C14orf39: variants seen among roughly 807,000 people sequenced by gnomAD.
C14orf39 encodes the protein protein SIX6OS1.
In C14orf39, 66 loss-of-function variants were observed where a neutral mutation model predicts 85.6. The observed-to-expected ratio is 0.77, with a 90% CI of 0.63 to 0.95. C14orf39 has a LOEUF of 0.95. Ranked by LOEUF, C14orf39 falls within the 40% of genes least tolerant of loss-of-function variation. The probability of loss-of-function intolerance (pLI) is 0.00; values close to 1 mark genes in which losing one functional copy is unlikely to be tolerated. For synonymous variants in C14orf39, 242 were observed against 214.0 expected (o/e 1.13, Z -1.14); for missense variants, 735 against 663.9 (o/e 1.11, Z -1.18).
intron 1 of C14orf39, among the ~76,000 whole-genome samples, chr14:60,503,112 A>G (rs1236403474): frequency 6.6e-6 from 1 of 152,182 alleles, no homozygotes; most frequent in East Asian, 1.9e-4. Flanking sequence ...CTCAAGTCCA[A>G]TCTCTTTTCC....
At chr14:60,482,328 G>T (rs1259452258) in intron 4 of C14orf39, among the ~76,000 whole-genome samples, 8 of 152,186 alleles carry the variant, frequency 5.3e-5, no homozygotes, top group Non-Finnish European at 1.5e-5. Context: ...TCAACAACAT[G>T]TAAGTTTTGG....
chr14:60,455,962 G>A (rs1038817821), intron 15 of C14orf39, among the ~76,000 whole-genome samples: 1 of 152,040 alleles, frequency 6.6e-6, no homozygotes, highest in Non-Finnish European at 1.5e-5. Context: ...CTCATCCATG[G>A]GGAGAGGTCT....
chr14:60,466,010 A>G lies in C14orf39; in HGVS notation c.941T>C (p.Ile314Thr), dbSNP rs371048285. 1 of 1,568,488 alleles carries G rather than the reference A, an allele frequency of 6.4e-7. No homozygotes were observed. Among genetic ancestry groups the G allele is most frequent in the South Asian group, 1.2e-5 (1 of 83,984 alleles). The change falls in exon 11 of 18, where the codon ATT becomes ACT. Residue 314 changes from isoleucine to threonine, a missense_variant. Coordinates refer to ENST00000321731, the MANE Select transcript of C14orf39 (RefSeq NM_174978.3). ...SSAKQSKLAN[I>T]DFRQKENDTQ... ...ATCATTTTCTTTTTGTCTAAAGTCAATATTGGCAAGCTTTGACTGCTTCGC... is the reference window on the plus strand; with the variant it reads ...ATCATTTTCTTTTTGTCTAAAGTCAGTATTGGCAAGCTTTGACTGCTTCGC...
At chr14:60,472,681 T>G (rs890010118) in intron 5 of C14orf39, among the ~76,000 whole-genome samples, 4 of 152,162 alleles carry the variant, frequency 2.6e-5, no homozygotes, top group African/African-American at 9.7e-5. Flanking sequence ...AATAATAGTT[T>G]GCTGAGAATG....
rs961611600 is a variant in C14orf39 at position 60,459,386 on chromosome 14, G to A, written c.1118-647C>T. On this transcript the variant is annotated intron_variant, in intron 13 of 17. Transcript: ENST00000321731. Reference sequence around the variant, plus strand: ...CATGTATGTACTTCTATTTCTCTAGGTATATACCTAGGATCGGAACTATGA... The same window carrying A: ...CATGTATGTACTTCTATTTCTCTAGATATATACCTAGGATCGGAACTATGA... Among the ~76,000 whole-genome samples, 2 of 151,358 alleles carry A rather than the reference G, an allele frequency of 1.3e-5. 1 individual carries two copies. Among genetic ancestry groups the A allele is most frequent in the South Asian group, 4.2e-4 (2 of 4,808 alleles).
chr14:60,506,486 G>A (rs1248908076), intron 1 of C14orf39, among the ~76,000 whole-genome samples: 2 of 152,208 alleles, frequency 1.3e-5, no homozygotes, highest in Non-Finnish European at 2.9e-5. Context: ...AAGGAATCCC[G>A]TGGAGCTTCC....
At chr14:60,498,009 A>T (rs1004168490) in intron 2 of C14orf39, among the ~76,000 whole-genome samples, 1 of 152,244 alleles carries the variant, frequency 6.6e-6, no homozygotes, top group Non-Finnish European at 1.5e-5. Context: ...AATACAGAAA[A>T]GTAGAGATAA....
rs754788905 is a variant in C14orf39, at chr14:60,458,731, ACTCAGCAT to A, written c.1118_1125del (p.Asp373ValfsTer4). 1.9e-6 allele frequency: 3 copies of A among 1,600,580 alleles called. No homozygotes were observed. The African/African-American group carries it at 4.0e-5, about 22-fold the overall frequency. ...TGTCTTACTGTCCCTTTATCTCCATACTCAGCATCTGTTGTCATATGAGAACAAACTAT... is the reference window on the plus strand; with the variant it reads ...TGTCTTACTGTCCCTTTATCTCCATACTGTTGTCATATGAGAACAAACTAT... On this transcript the variant is annotated frameshift_variant and splice_region_variant, in exon 14 of 18. Transcript: ENST00000321731. LOFTEE classifies it high-confidence loss of function.
chr14:60,459,525 T>C (rs894989949), intron 13 of C14orf39, among the ~76,000 whole-genome samples: 2 of 151,690 alleles, frequency 1.3e-5, no homozygotes, highest in East Asian at 1.9e-4. Flanking sequence ...TCATTCATTA[T>C]CACCAGACAA....
intron 11 of C14orf39, among the ~76,000 whole-genome samples, chr14:60,464,956 C>CT (rs1041187445): frequency 5.9e-4 from 89 of 151,980 alleles, no homozygotes; most frequent in African/African-American, 2.1e-3. Context: ...TTTGCCTTAT[C>CT]TTTTTTCTTC....
rs887103614 is a variant in C14orf39, at chr14:60,445,947, T to A, written c.1504-3816A>T. 3.3e-5 allele frequency among the ~76,000 whole-genome samples: 5 copies of A among 152,262 alleles called. 1 individual carries two copies. The South Asian group carries it at 8.3e-4, about 25-fold the overall frequency. On this transcript the variant is annotated intron_variant, in intron 16 of 17. Transcript: ENST00000321731. ...ACAACTACATGGAAACTGAACAACATGCTCCTGAATGACTACTGGATAAAT... is the reference window on the plus strand; with the variant it reads ...ACAACTACATGGAAACTGAACAACAAGCTCCTGAATGACTACTGGATAAAT...
chr14:60,486,350 A>G (rs1892893227), upstream of C14orf39, among the ~76,000 whole-genome samples: 2 of 152,238 alleles, frequency 1.3e-5, no homozygotes, highest in African/African-American at 4.8e-5. Flanking sequence ...TCTTGTAACA[A>G]GTTTTTAAAA....
intron 1 of C14orf39, 25 bp from the exon 2 acceptor site, chr14:60,485,111 A>G (rs369366990): frequency 3.4e-5 from 54 of 1,572,928 alleles, no homozygotes; most frequent in East Asian, 2.7e-4. Flanking sequence ...AAAAAAAATT[A>G]TAAGATTTTC....
In C14orf39 at chr14:60,484,178, C is replaced by T. The variant is rs1892777213; in HGVS notation, c.107-361G>A. 6.6e-6 allele frequency among the ~76,000 whole-genome samples: 1 copy of T among 152,200 alleles called. No homozygotes were observed. Among genetic ancestry groups the T allele is most frequent in the South Asian group, 2.1e-4 (1 of 4,830 alleles). ...CGTTAATGACACTAATAGAAGCCTT[C>T]TGTTTTTGACAAATGTGAAATTTCT... is the stretch of plus-strand genomic sequence containing the variant. On this transcript the variant is annotated intron_variant, in intron 3 of 17. Transcript: ENST00000321731. The surrounding 1 kb of genome is among the most constrained non-coding windows in gnomAD (Gnocchi z 4.2).
chr14:60,468,403 A>G (rs1274534356), intron 9 of C14orf39, 42 bp downstream of exon 9: 3 of 1,253,162 alleles, frequency 2.4e-6, no homozygotes, highest in Non-Finnish European at 3.4e-6. Context: ...TAGATGCAAA[A>G]TATCTGTTCA....
Position 60,454,994 on chromosome 14 carries a change from A to G in C14orf39, c.1503+7T>C, listed in dbSNP as rs1256581025. The G allele has an allele frequency of 3.3e-6, 5 of 1,518,572 alleles. No individual in the cohort carries two copies. Among genetic ancestry groups the G allele is most frequent in the African/African-American group, 2.9e-5 (2 of 68,556 alleles). The allele number at this position is 1,518,572 out of a possible 1,614,324, so 94.1% of individuals were successfully genotyped here. A position where few individuals can be genotyped will look rare whatever the true frequency, so the allele number is the denominator to read the frequency against. On this transcript the variant is annotated splice_region_variant and intron_variant, in intron 16 of 17. Coordinates refer to ENST00000321731, the MANE Select transcript of C14orf39 (RefSeq NM_174978.3). Reference sequence around the variant, plus strand: ...TTAGAAATAAAACTTTTGGCTTCTCATATTACCTGATCTGATGAGATTTCT... The same window carrying G: ...TTAGAAATAAAACTTTTGGCTTCTCGTATTACCTGATCTGATGAGATTTCT...
At chr14:60,489,809 A>G (rs1306222722), upstream of C14orf39, among the ~76,000 whole-genome samples, 2 of 152,228 alleles carry the variant, frequency 1.3e-5, no homozygotes, top group African/African-American at 4.8e-5. Flanking sequence ...TAAAGGTTTT[A>G]TGAGTCAACA....
chr14:60,497,265 C>T (rs1474829259), intron 2 of C14orf39, among the ~76,000 whole-genome samples: 5 of 152,168 alleles, frequency 3.3e-5, no homozygotes, highest in Admixed American at 3.3e-4. Context: ...GTTATAAACT[C>T]TCATAGTTCA....
At chr14:60,437,922 T>A (rs554576248) in intron 17 of C14orf39, among the ~76,000 whole-genome samples, 6 of 151,760 alleles carry the variant, frequency 4.0e-5, no homozygotes, top group African/African-American at 1.4e-4. Context: ...AAATACTGTT[T>A]TTCACTTATT....
Sources: allele counts gnomAD v4.1 joint callset (sites outside exome capture counted in the v4.1 genomes callset), GRCh38; gene constraint gnomAD v4.1.1; non-coding constraint Gnocchi (gnomAD v3.1); transcripts MANE v1.5; gene names NCBI Gene and HGNC (gene_info 2026-07-23, HGNC 2026-07-21).